Variants in ZNF326 observed in about 807,000 individuals in gnomAD.
The protein encoded by ZNF326 is zinc finger protein 326.
Under a neutral mutation model 63.1 loss-of-function variants are expected in ZNF326, and 30 were observed. That is an observed-to-expected ratio of 0.48 (90% CI 0.36 to 0.64). The LOEUF is 0.64. Ranked by LOEUF, ZNF326 falls within the 30% of genes least tolerant of loss-of-function variation. The pLI is 0.00. For synonymous variants in ZNF326, 194 were observed against 228.2 expected (o/e 0.85, Z 1.35); for missense variants, 609 against 720.3 (o/e 0.85, Z 1.77).
chr1:89,995,402 C>T (rs1432043503), intron 1 of ZNF326, 129 bp downstream of exon 1: 4 of 1,252,068 alleles, frequency 3.2e-6, no homozygotes, highest in African/African-American at 1.6e-5. Flanking sequence ...CCCGCCCGCC[C>T]CGGGCCCAGC....
Position 90,030,856 on chromosome 1 carries a change from CT to C in ZNF326, c.*3157del, listed in dbSNP as rs1324011687. 6.6e-6 allele frequency: 1 copy of C among 152,244 alleles called. No individual in the cohort carries two copies. The highest frequency in any genetic ancestry group is 2.4e-5 in the African/African-American group (1 of 41,434). 9.4% of individuals were successfully genotyped at this position (152,244 alleles called of 1,614,324 possible). On this transcript the variant is annotated 3_prime_UTR_variant, in exon 12 of 12. Coordinates refer to ENST00000340281, the MANE Select transcript of ZNF326 (RefSeq NM_182976.4). The stretch of plus-strand genomic sequence containing the variant: ...AATATTTTTTTTGTAGAGATGGGGT[CT>C]TGCTTTGTTGCCCAGGCTAGTCTTG...
chr1:90,023,688 G>C (rs571968860), intron 11 of ZNF326, among the ~76,000 whole-genome samples: 1 of 152,320 alleles, frequency 6.6e-6, no homozygotes, highest in African/African-American at 2.4e-5. Flanking sequence ...TTCTGAGAAA[G>C]TGGTTTCTAT....
rs1005476428 is a variant in ZNF326 at position 90,017,258 on chromosome 1, T to A, written c.927-59T>A. Reference sequence around the variant, plus strand: ...AATTAGTTTCAATGTTATATTCTTATGAACTCTTTATAGTTGAATAAAGTA... The same window carrying A: ...AATTAGTTTCAATGTTATATTCTTAAGAACTCTTTATAGTTGAATAAAGTA... On this transcript the variant is annotated intron_variant, in intron 7 of 11. Transcript: ENST00000340281. 2.3e-5 allele frequency: 28 copies of A among 1,206,712 alleles called. No individual in the cohort carries two copies. In the East Asian group the frequency reaches 7.4e-4, roughly 32 times the overall value. 74.8% of individuals were successfully genotyped at this position (1,206,712 alleles called of 1,614,324 possible).
intron 5 of ZNF326, among the ~76,000 whole-genome samples, chr1:90,008,600 A>G (rs1042891454): frequency 2.0e-5 from 3 of 152,184 alleles, no homozygotes; most frequent in Non-Finnish European, 4.4e-5. Flanking sequence ...GGGTTATTAT[A>G]TAGTTTGATC....
intron 6 of ZNF326, among the ~76,000 whole-genome samples, chr1:90,010,907 TG>T (rs1179700867): frequency 6.6e-6 from 1 of 152,164 alleles, no homozygotes; most frequent in Non-Finnish European, 1.5e-5. Context: ...CTGGAATTTC[TG>T]GAGTTCTGGA....
chr1:90,024,358 A>C (rs1280262434), intron 11 of ZNF326, among the ~76,000 whole-genome samples: 1 of 152,076 alleles, frequency 6.6e-6, no homozygotes, highest in Non-Finnish European at 1.5e-5. Context: ...ATTGATAATC[A>C]CCCCTTTCAG....
chr1:90,001,188 A>G (rs1648657547), intron 2 of ZNF326, among the ~76,000 whole-genome samples: 1 of 152,174 alleles, frequency 6.6e-6, no homozygotes, highest in South Asian at 2.1e-4. Flanking sequence ...AAAATGTTTC[A>G]GACATTGCCA....
At position 89,995,189 on chromosome 1, in the gene ZNF326, T is replaced by TCGCGGACGCTCGC. The variant is rs1648278654; in HGVS notation, c.-65_-53dup. 2 of 1,511,082 alleles carry TCGCGGACGCTCGC rather than the reference T, an allele frequency of 1.3e-6. No individual in the cohort carries two copies. The highest frequency in any genetic ancestry group is 2.9e-5 in the African/African-American group (2 of 69,128). The allele number at this position is 1,511,082 out of a possible 1,614,324, so 93.6% of individuals were successfully genotyped here. ...CGGAGTGATCGTGTGGAATCGCGGG[T>TCGCGGACGCTCGC]CGCGGACGCTCGCCGCCGGCCATAG... On this transcript the variant is annotated 5_prime_UTR_variant, in exon 1 of 12. Coordinates refer to ENST00000340281, the MANE Select transcript of ZNF326 (RefSeq NM_182976.4).
chr1:90,019,801 A>G (rs1476750870), intron 9 of ZNF326, among the ~76,000 whole-genome samples: 2 of 152,120 alleles, frequency 1.3e-5, no homozygotes, highest in East Asian at 1.9e-4. Context: ...CACAAAATCA[A>G]CATATCCAAA....
In ZNF326 at chr1:90,023,477, G is replaced by T. The variant is rs183023498; in HGVS notation, c.1401+1132G>T. On this transcript the variant is annotated intron_variant, in intron 11 of 11. Coordinates refer to ENST00000340281, the MANE Select transcript of ZNF326 (RefSeq NM_182976.4). The stretch of plus-strand genomic sequence containing the variant: ...TAAATAATATTAGTTCTTGCAGCTC[G>T]TTCCTTAGGGGCCTATTTTCTAATT... Among the ~76,000 whole-genome samples the T allele has an allele frequency of 2.0e-5, 3 of 152,058 alleles. No individual in the cohort carries two copies. In the East Asian group the frequency reaches 5.8e-4, roughly 29 times the overall value.
At chr1:90,017,501 G>A in intron 8 of ZNF326, 37 bp downstream of exon 8, 1 of 1,536,472 alleles carries the variant, frequency 6.5e-7, no homozygotes, top group Non-Finnish European at 8.7e-7. Flanking sequence ...GCATTTTATT[G>A]ATATGAATTT....
chr1:90,017,422 GAAAC>G lies in ZNF326; in HGVS notation c.1037_1040del (p.Gln346LeufsTer6). The stretch of plus-strand genomic sequence containing the variant: ...ATCAGGAAACATTAGATCATATACA[GAAAC>G]AAACTAAATTTGATAAAGTAGTTAT... On this transcript the variant is annotated frameshift_variant, in exon 8 of 12. Transcript: ENST00000340281. LOFTEE classifies it high-confidence loss of function. 6.3e-7 allele frequency: 1 copy of G among 1,596,202 alleles called. No individual in the cohort carries two copies. The highest frequency in any genetic ancestry group is 8.5e-7 in the Non-Finnish European group (1 of 1,175,136).
chr1:90,005,215 C>G lies in ZNF326; in HGVS notation c.180C>G (p.Asp60Glu), dbSNP rs1411524105. The G allele has an allele frequency of 6.2e-7, 1 of 1,613,834 alleles. No individual in the cohort carries two copies. Among genetic ancestry groups the G allele is most frequent in the Non-Finnish European group, 8.5e-7 (1 of 1,179,950 alleles). The change falls in exon 4 of 12, where the codon GAC (aspartate) becomes GAG (glutamate). Residue 60 changes from aspartate to glutamate, a missense_variant. Asp to Glu is a conservative substitution (Grantham distance 45). Around this residue, in one of 3 missense-constraint regions of ZNF326, gnomAD observed 97 missense variants for 88.7 expected, o/e 1.09. Coordinates refer to ENST00000340281, the MANE Select transcript of ZNF326 (RefSeq NM_182976.4). ...ACCTAAACCAGTCATATGGCATGGA[C>G]AATCACAGTGGTGGTGGTGGGGGTA... The part of the protein sequence containing the change: ...DSYLNQSYGM[D>E]NHSGGGGGSR...
At chr1:90,009,297 A>T (rs991307998) in intron 5 of ZNF326, among the ~76,000 whole-genome samples, 2 of 152,080 alleles carry the variant, frequency 1.3e-5, no homozygotes, top group Non-Finnish European at 2.9e-5. Context: ...TTACTCCTCC[A>T]TCTTTATCTT....
intron 2 of ZNF326, among the ~76,000 whole-genome samples, chr1:90,004,186 A>G (rs555666111): frequency 6.6e-6 from 1 of 151,216 alleles, no homozygotes; most frequent in Non-Finnish European, 1.5e-5. Context: ...TTATTGTATT[A>G]GTTTTTTTTT....
In ZNF326 at chr1:90,007,501, C is replaced by T. The variant is rs142094932; in HGVS notation, c.366C>T (p.Phe122=). Reference sequence around the variant, plus strand: ...CCTACCGGAATAGCCTTGACTCTTTCGGAGGTAGAAACCAGGGCGGGTCTA... The same window carrying T: ...CCTACCGGAATAGCCTTGACTCTTTTGGAGGTAGAAACCAGGGCGGGTCTA... ...ESSYRNSLDS[F]GGRNQGGSSW... Residue 122 remains phenylalanine, a synonymous_variant, in exon 5 of 12, where the codon TTC becomes TTT. Transcript: ENST00000340281. This position sits in a 1 kb window ranked among gnomAD's most constrained non-coding sequence, Gnocchi z 4.9. 7.4e-6 allele frequency: 12 copies of T among 1,613,934 alleles called. No homozygotes were observed. Among genetic ancestry groups the T allele is most frequent in the Admixed American group, 5.0e-5 (3 of 59,990 alleles).
intron 6 of ZNF326, among the ~76,000 whole-genome samples, chr1:90,011,887 G>A (rs1309896869): frequency 6.6e-6 from 1 of 151,766 alleles, no homozygotes; most frequent in Non-Finnish European, 1.5e-5. Context: ...GCCCAGGCTG[G>A]AGTGCAGTGG....
At chr1:90,008,296 A>G (rs1019728073) in intron 5 of ZNF326, among the ~76,000 whole-genome samples, 39 of 152,334 alleles carry the variant, frequency 2.6e-4, no homozygotes, top group Admixed American at 2.2e-3. Context: ...AGATTGTACA[A>G]TGATTTGTGG....
intron 11 of ZNF326, among the ~76,000 whole-genome samples, chr1:90,024,761 A>T (rs184993335): frequency 3.6e-4 from 55 of 152,208 alleles, no homozygotes; most frequent in African/African-American, 1.1e-3. Flanking sequence ...GATTACAGGC[A>T]CACACCACCA....
Sources: allele counts gnomAD v4.1 joint callset (sites outside exome capture counted in the v4.1 genomes callset), GRCh38; gene constraint gnomAD v4.1.1; regional missense constraint gnomAD v4.1.1; non-coding constraint Gnocchi (gnomAD v3.1); transcripts MANE v1.5; gene names NCBI Gene and HGNC (gene_info 2026-07-23, HGNC 2026-07-21).